DRGX: variants seen among roughly 807,000 people sequenced by gnomAD.
The protein encoded by DRGX is dorsal root ganglia homeobox, also known as dorsal root ganglia homeobox protein.
In DRGX, 21 loss-of-function variants were observed where a neutral mutation model predicts 28.6. The observed-to-expected ratio is 0.73, with a 90% CI of 0.52 to 1.06. The LOEUF (loss-of-function observed/expected upper bound fraction) is 1.06, where lower values mean the gene tolerates loss of function less well. Among genes scored for constraint, DRGX ranks in the 50% least tolerant of loss-of-function variants. The probability of loss-of-function intolerance (pLI) is 0.00; values close to 1 mark genes in which losing one functional copy is unlikely to be tolerated. For missense variants in DRGX, 354 were observed against 343.9 expected (o/e 1.03, Z -0.23); for synonymous variants, 136 against 139.1 (o/e 0.98, Z 0.16).
At chr10:49,387,334 C>T (rs972916281) in intron 4 of DRGX, among the ~76,000 whole-genome samples, 1 of 152,080 alleles carries the variant, frequency 6.6e-6, no homozygotes, top group Non-Finnish European at 1.5e-5. Context: ...ATGACATATT[C>T]GTGATCAGCA....
At chr10:49,367,434 T>C (rs1394481175) in intron 6 of DRGX, among the ~76,000 whole-genome samples, 2 of 152,156 alleles carry the variant, frequency 1.3e-5, no homozygotes, top group Admixed American at 1.3e-4. Flanking sequence ...TTTCAATTTA[T>C]AAGTATTATT....
Position 49,364,188 on chromosome 10 carries a change from C to T in DRGX, c.*1928G>A, listed in dbSNP as rs1269710246. ...TCAATATCTCTGCAGAGGTTTGGTG[C>T]TCATTTTCTTTCCTTTCAGTAACAT... On this transcript the variant is annotated 3_prime_UTR_variant, in exon 7 of 7. Coordinates refer to ENST00000374139, the MANE Select transcript of DRGX (RefSeq NM_001276451.2). 1 of 152,158 alleles carries T rather than the reference C, an allele frequency of 6.6e-6. No individual in the cohort carries two copies. The highest frequency in any genetic ancestry group is 1.5e-5 in the Non-Finnish European group (1 of 68,028). The allele number at this position is 152,158 out of a possible 1,614,324, so 9.4% of individuals were successfully genotyped here.
At chr10:49,387,279 T>TGTATG (rs1483477684) in intron 4 of DRGX, among the ~76,000 whole-genome samples, 1 of 152,166 alleles carries the variant, frequency 6.6e-6, no homozygotes, top group African/African-American at 2.4e-5. Context: ...TACCTGGGTG[T>TGTATG]GTCTGGTCTG....
chr10:49,377,629 A>T (rs960835435), intron 6 of DRGX, among the ~76,000 whole-genome samples: 1 of 152,238 alleles, frequency 6.6e-6, no homozygotes, highest in Non-Finnish European at 1.5e-5. Flanking sequence ...ACCATAGGAG[A>T]GACCATGTGG....
chr10:49,370,276 G>A (rs61848629), intron 6 of DRGX, among the ~76,000 whole-genome samples: 11,209 of 152,254 alleles, frequency 0.074, 454 homozygotes, highest in Middle Eastern at 0.14. Context: ...GTGGTGGCTT[G>A]CACCTGTAGT....
chr10:49,395,615 C>T (rs1849959805), intron 1 of DRGX, 94 bp from the exon 2 acceptor site: 2 of 724,102 alleles, frequency 2.8e-6, no homozygotes, highest in East Asian at 2.7e-5. Context: ...CCTGGAAAGT[C>T]CCTCCCAACG....
In DRGX at chr10:49,386,469, CAA is replaced by C. The variant is rs1035945664; in HGVS notation, c.526+7_526+8del. ...CCACGCCCACCAGCCCAGCCGAACC[CAA>C]ACTCACCTTTGAGGGAAGCCACATG... On this transcript the variant is annotated splice_region_variant and intron_variant, in intron 6 of 6. Coordinates refer to ENST00000374139, the MANE Select transcript of DRGX (RefSeq NM_001276451.2). 6.5e-7 allele frequency: 1 copy of C among 1,547,606 alleles called. No individual in the cohort carries two copies. Among genetic ancestry groups the C allele is most frequent in the African/African-American group, 1.4e-5 (1 of 72,832 alleles).
At chr10:49,392,918 A>T (rs1849925613) in intron 2 of DRGX, among the ~76,000 whole-genome samples, 1 of 152,264 alleles carries the variant, frequency 6.6e-6, no homozygotes, top group African/African-American at 2.4e-5. Flanking sequence ...AGGTGCATAA[A>T]GACACCCAGT....
At position 49,380,818 on chromosome 10, in the gene DRGX, A is replaced by G. The variant is rs182768980; in HGVS notation, c.526+5660T>C. On this transcript the variant is annotated intron_variant, in intron 6 of 6. Transcript: ENST00000374139. Reference sequence around the variant, plus strand: ...GGTCCTTTAAAAGTGAATGGGGTCTAGGGACTGCAGCTGGGCATGAGAATG... The same window carrying G: ...GGTCCTTTAAAAGTGAATGGGGTCTGGGGACTGCAGCTGGGCATGAGAATG... Among the ~76,000 whole-genome samples, 334 of 152,340 alleles carry G rather than the reference A, an allele frequency of 2.2e-3. 1 individual carries two copies. Among genetic ancestry groups the G allele is most frequent in the Non-Finnish European group, 3.3e-3 (227 of 68,022 alleles).
Position 49,386,731 on chromosome 10 carries a change from G to T in DRGX, c.362C>A (p.Pro121His). The change falls in exon 5 of 7, where the codon CCC (proline) becomes CAC (histidine). Residue 121 changes from proline to histidine, a missense_variant. By Grantham distance (77) the Pro-to-His change is moderately conservative. Transcript: ENST00000374139. Reference sequence around the variant, plus strand: ...CTTACTCCGGGCTTGGTCCCCAGGGGGCGGGGAGTTGATGTTTCTCACTGG... The same window carrying T: ...CTTACTCCGGGCTTGGTCCCCAGGGTGCGGGGAGTTGATGTTTCTCACTGG... Reference protein sequence around the residue: ...PPPVRNINSPPPGDQARSKKE... With the variant: ...PPPVRNINSPHPGDQARSKKE... The T allele has an allele frequency of 6.2e-7, 1 of 1,605,174 alleles. No individual in the cohort carries two copies. The highest frequency in any genetic ancestry group is 8.5e-7 in the Non-Finnish European group (1 of 1,175,772).
At chr10:49,381,951 G>A (rs1849781167) in intron 6 of DRGX, among the ~76,000 whole-genome samples, 1 of 152,182 alleles carries the variant, frequency 6.6e-6, no homozygotes, top group African/African-American at 2.4e-5. Context: ...TTTCTTCTGG[G>A]TGAATTGCAA....
intron 6 of DRGX, among the ~76,000 whole-genome samples, chr10:49,372,356 CAGA>C (rs541606286): frequency 1.3e-5 from 2 of 152,120 alleles, no homozygotes; most frequent in Non-Finnish European, 2.9e-5. Flanking sequence ...CTGTGTAGAG[CAGA>C]AGAAGGTGAT....
At chr10:49,379,661 G>T (rs918307178) in intron 6 of DRGX, among the ~76,000 whole-genome samples, 4 of 152,172 alleles carry the variant, frequency 2.6e-5, no homozygotes, top group Admixed American at 6.5e-5. Flanking sequence ...TAATGCAGGG[G>T]CCTTGCCCTT....
intron 2 of DRGX, among the ~76,000 whole-genome samples, chr10:49,394,372 C>T (rs555433320): frequency 1.1e-3 from 161 of 152,322 alleles, no homozygotes; most frequent in African/African-American, 3.6e-3. Context: ...GGTCTCCTAG[C>T]GCCTCACAAC....
chr10:49,371,594 C>T (rs568982433), intron 6 of DRGX, among the ~76,000 whole-genome samples: 6 of 152,088 alleles, frequency 3.9e-5, no homozygotes, highest in African/African-American at 1.4e-4. Flanking sequence ...GAGTTCAAGA[C>T]CAGCCTGGTC....
chr10:49,373,866 A>G (rs1849690080), intron 6 of DRGX, among the ~76,000 whole-genome samples: 1 of 152,192 alleles, frequency 6.6e-6, no homozygotes, highest in South Asian at 2.1e-4. Context: ...GACCACATAA[A>G]TCTAGCTTCA....
intron 6 of DRGX, among the ~76,000 whole-genome samples, chr10:49,368,124 C>T (rs1329412614): frequency 1.3e-5 from 2 of 152,236 alleles, no homozygotes; most frequent in Non-Finnish European, 2.9e-5. Flanking sequence ...ACCTTTACCA[C>T]CCGCTGCTCC....
intron 6 of DRGX, among the ~76,000 whole-genome samples, chr10:49,376,743 G>A (rs1849721640): frequency 6.6e-6 from 1 of 152,182 alleles, no homozygotes; most frequent in South Asian, 2.1e-4. Flanking sequence ...AGCATTGCCA[G>A]GCTCCTTCCC....
intron 6 of DRGX, among the ~76,000 whole-genome samples, chr10:49,380,659 C>T (rs969468485): frequency 6.6e-6 from 1 of 152,140 alleles, no homozygotes; most frequent in Admixed American, 6.5e-5. Context: ...CCCCAGGGAG[C>T]CCCAACCAGG....
Sources: gnomAD v4.1 joint callset for allele counts (sites outside exome capture counted in the v4.1 genomes callset) on GRCh38, gnomAD v4.1.1 for gene constraint, MANE v1.5 for transcripts, NCBI Gene and HGNC (gene_info 2026-07-23, HGNC 2026-07-21) for gene names.